MAPKAPK5: variants seen among roughly 807,000 people sequenced by gnomAD.
The protein encoded by MAPKAPK5 is MAP kinase-activated protein kinase 5.
MAPKAPK5 carries 30 observed loss-of-function variants against 65.1 expected under a neutral mutation model. That is an observed-to-expected ratio of 0.46 (90% CI 0.34 to 0.63). MAPKAPK5 has a LOEUF of 0.63. Ranked by LOEUF, MAPKAPK5 falls within the 20% of genes least tolerant of loss-of-function variation. The pLI is 0.01. For synonymous variants in MAPKAPK5, 179 were observed against 204.6 expected (o/e 0.87, Z 1.07); for missense variants, 433 against 581.4 (o/e 0.74, Z 2.63).
At chr12:111,872,162 G>T (rs185189463) in intron 7 of MAPKAPK5, among the ~76,000 whole-genome samples, 2 of 152,202 alleles carry the variant, frequency 1.3e-5, no homozygotes, top group Non-Finnish European at 2.9e-5. Flanking sequence ...GTTTTTGGGG[G>T]ACATGTTCCC....
intron 1 of MAPKAPK5, 102 bp downstream of exon 1, chr12:111,842,871 A>G: frequency 1.7e-6 from 2 of 1,156,164 alleles, no homozygotes; most frequent in Non-Finnish European, 2.2e-6. Flanking sequence ...GGTTCCATCG[A>G]CTACCGGGTT....
intron 1 of MAPKAPK5, among the ~76,000 whole-genome samples, chr12:111,857,244 CTT>C (rs1347172253): frequency 3.6e-5 from 5 of 140,316 alleles, no homozygotes. Flanking sequence ...TTTCTTTTTT[CTT>C]TTTTTTTTTT....
intron 1 of MAPKAPK5, among the ~76,000 whole-genome samples, chr12:111,864,960 AC>A (rs1395321014): frequency 1.3e-5 from 2 of 152,090 alleles, no homozygotes; most frequent in Non-Finnish European, 2.9e-5. Flanking sequence ...TCCTCTCAGA[AC>A]CCCCCAAAAG....
At chr12:111,881,154 A>G (rs919232127) in intron 8 of MAPKAPK5, among the ~76,000 whole-genome samples, 3 of 151,508 alleles carry the variant, frequency 2.0e-5, no homozygotes. Context: ...GCTCACTGCA[A>G]CCTCCACCTC....
chr12:111,842,789 T>A lies in MAPKAPK5; in HGVS notation c.36+20T>A, dbSNP rs371366713. ...ATCAAGGTAAGGGGGAGGTGCCCCCTCTTCCCCCGCGTTGTCCTGTGGCGT... is the reference window on the plus strand; with the variant it reads ...ATCAAGGTAAGGGGGAGGTGCCCCCACTTCCCCCGCGTTGTCCTGTGGCGT... On this transcript the variant is annotated intron_variant, in intron 1 of 13. Coordinates refer to ENST00000550735, the MANE Select transcript of MAPKAPK5 (RefSeq NM_003668.4). 4.6e-6 allele frequency: 6 copies of A among 1,315,700 alleles called. No homozygotes were observed. The highest frequency in any genetic ancestry group is 5.9e-6 in the Non-Finnish European group (6 of 1,023,502). 81.5% of individuals were successfully genotyped at this position (1,315,700 alleles called of 1,614,324 possible).
chr12:111,900,554 C>A lies in MAPKAPK5; in HGVS notation c.*7493C>A, dbSNP rs1593205672. ...TTAACAAGCCACGGCCCAGGGGCCGCAAGCGTAGGGATTCTGCCTGTGGAA... is the reference window on the plus strand; with the variant it reads ...TTAACAAGCCACGGCCCAGGGGCCGAAAGCGTAGGGATTCTGCCTGTGGAA... On this transcript the variant is annotated 3_prime_UTR_variant, in exon 14 of 14. Coordinates refer to ENST00000550735, the MANE Select transcript of MAPKAPK5 (RefSeq NM_003668.4). 2.2e-6 allele frequency: 1 copy of A among 456,140 alleles called. No individual in the cohort carries two copies. The highest frequency in any genetic ancestry group is 2.3e-5 in the Admixed American group (1 of 42,574). The allele number at this position is 456,140 out of a possible 1,614,324, so 28.3% of individuals were successfully genotyped here. A position where few individuals can be genotyped will look rare whatever the true frequency, so the allele number is the denominator to read the frequency against.
intron 2 of MAPKAPK5, 27 bp from the exon 3 acceptor site, chr12:111,866,129 T>C (rs755773132): frequency 6.5e-7 from 1 of 1,532,564 alleles, no homozygotes; most frequent in South Asian, 1.2e-5. Flanking sequence ...ATATGATCTC[T>C]GATTGATTTT....
chr12:111,874,132 C>T (rs186245167), intron 7 of MAPKAPK5, among the ~76,000 whole-genome samples: 61 of 152,230 alleles, frequency 4.0e-4, no homozygotes, highest in African/African-American at 1.3e-3. Context: ...TGGTGGTTCA[C>T]GCCTGTTATA....
At position 111,883,877 on chromosome 12, in the gene MAPKAPK5, C is replaced by A; in HGVS notation, c.848+109C>A. 1 of 1,086,746 alleles carries A rather than the reference C, an allele frequency of 9.2e-7. No individual in the cohort carries two copies. Among genetic ancestry groups the A allele is most frequent in the Non-Finnish European group, 1.3e-6 (1 of 772,006 alleles). The allele number at this position is 1,086,746 out of a possible 1,614,324, so 67.3% of individuals were successfully genotyped here. Reference sequence around the variant, plus strand: ...CTGGTTTCCTAGGCAGGCTCCTCCCCGTTTTAATATCACAGAAATCTCTCT... The same window carrying A: ...CTGGTTTCCTAGGCAGGCTCCTCCCAGTTTTAATATCACAGAAATCTCTCT... On this transcript the variant is annotated intron_variant, in intron 9 of 13. Coordinates refer to ENST00000550735, the MANE Select transcript of MAPKAPK5 (RefSeq NM_003668.4). This position sits in a 1 kb window ranked among gnomAD's most constrained non-coding sequence, Gnocchi z 4.8.
intron 1 of MAPKAPK5, among the ~76,000 whole-genome samples, chr12:111,856,143 C>G (rs1264056856): frequency 2.0e-5 from 3 of 152,080 alleles, no homozygotes; most frequent in Non-Finnish European, 4.4e-5. Flanking sequence ...GCGTGAGCCA[C>G]TGTGTCCAGT....
In MAPKAPK5 at chr12:111,883,992, G is replaced by A. The variant is rs945342087; in HGVS notation, c.848+224G>A. ...TTGCATCCCTAGACTTTGTCCCCAG[G>A]GTGTGAACCCAGGTCCCTCCATAGG... On this transcript the variant is annotated intron_variant, in intron 9 of 13. Coordinates refer to ENST00000550735, the MANE Select transcript of MAPKAPK5 (RefSeq NM_003668.4). This position sits in a 1 kb window ranked among gnomAD's most constrained non-coding sequence, Gnocchi z 4.8. Among the ~76,000 whole-genome samples the A allele has an allele frequency of 3.3e-5, 5 of 152,148 alleles. No homozygotes were observed. The South Asian group carries it at 1.0e-3, about 32-fold the overall frequency.
At chr12:111,858,610 C>T (rs1029089127) in intron 1 of MAPKAPK5, among the ~76,000 whole-genome samples, 12 of 142,148 alleles carry the variant, frequency 8.4e-5, no homozygotes, top group Non-Finnish European at 1.3e-4. Flanking sequence ...GTGGTGCGAT[C>T]GCAGCTCACT....
At chr12:111,862,576 CTG>C (rs1278581757) in intron 1 of MAPKAPK5, among the ~76,000 whole-genome samples, 1 of 152,124 alleles carries the variant, frequency 6.6e-6, no homozygotes. Flanking sequence ...TGGTGCGCAA[CTG>C]TAATCCCAGC....
chr12:111,901,381 C>G lies in MAPKAPK5; in HGVS notation c.*8320C>G, dbSNP rs1225259266. On this transcript the variant is annotated 3_prime_UTR_variant, in exon 14 of 14. Coordinates refer to ENST00000550735, the MANE Select transcript of MAPKAPK5 (RefSeq NM_003668.4). The stretch of plus-strand genomic sequence containing the variant: ...GGAGGTAGTGTGGACAGTGGCCCTC[C>G]TGGTAAGCTAGGTGGGACACCTTCA... 6 of 455,914 alleles carry G rather than the reference C, an allele frequency of 1.3e-5. No individual in the cohort carries two copies. Among genetic ancestry groups the G allele is most frequent in the Non-Finnish European group, 2.6e-5 (6 of 226,796 alleles). 28.2% of individuals were successfully genotyped at this position (455,914 alleles called of 1,614,324 possible).
chr12:111,868,926 G>T lies in MAPKAPK5; in HGVS notation c.393+65G>T. The T allele has an allele frequency of 2.5e-6, 3 of 1,218,476 alleles. No homozygotes were observed. The South Asian group carries it at 4.1e-5, about 17-fold the overall frequency. 75.5% of individuals were successfully genotyped at this position (1,218,476 alleles called of 1,614,324 possible). A position where few individuals can be genotyped will look rare whatever the true frequency, so the allele number is the denominator to read the frequency against. ...TTGGTTAACAAGCACAATTTCATTG[G>T]GGGGAAGAAAAGAAAACTTAAAGAA... is the stretch of plus-strand genomic sequence containing the variant. On this transcript the variant is annotated intron_variant, in intron 5 of 13. Transcript: ENST00000550735.
chr12:111,888,402 T>C lies in MAPKAPK5; in HGVS notation c.970-86T>C, dbSNP rs568290049. The C allele has an allele frequency of 2.6e-6, 4 of 1,545,578 alleles. No homozygotes were observed. In the African/African-American group the frequency reaches 5.5e-5, roughly 21 times the overall value. On this transcript the variant is annotated intron_variant, in intron 10 of 13. Coordinates refer to ENST00000550735, the MANE Select transcript of MAPKAPK5 (RefSeq NM_003668.4). Reference sequence around the variant, plus strand: ...GAGTGAAATTACCTTCTTAGTACTTTGAGCTTTTCCTTTCCACTTTCTTAG... The same window carrying C: ...GAGTGAAATTACCTTCTTAGTACTTCGAGCTTTTCCTTTCCACTTTCTTAG...
chr12:111,859,544 G>A (rs1377849551), intron 1 of MAPKAPK5, among the ~76,000 whole-genome samples: 3 of 152,166 alleles, frequency 2.0e-5, no homozygotes, highest in Admixed American at 6.5e-5. Flanking sequence ...GATTATAGGC[G>A]TGAGCCACTG....
chr12:111,891,822 G>GA lies in MAPKAPK5; in HGVS notation c.1322-1136dup, dbSNP rs1004253329. ...ACTCCGTCTTTAAAAAAAAAAAAGG[G>GA]AAAAAAAAACTTGAAATATGTCATT... On this transcript the variant is annotated intron_variant, in intron 13 of 13. Transcript: ENST00000550735. 5.4e-4 allele frequency among the ~76,000 whole-genome samples: 81 copies of GA among 149,132 alleles called. 1 individual carries two copies. The East Asian group carries it at 0.011, about 21-fold the overall frequency.
intron 1 of MAPKAPK5, among the ~76,000 whole-genome samples, chr12:111,856,298 C>CAT (rs147664570): frequency 0.015 from 2,342 of 151,866 alleles, 70 homozygotes; most frequent in African/African-American, 0.053. Context: ...TATGGCCTAT[C>CAT]ATAAGCCATT....
Sources: allele counts gnomAD v4.1 joint callset (sites outside exome capture counted in the v4.1 genomes callset), GRCh38; gene constraint gnomAD v4.1.1; non-coding constraint Gnocchi (gnomAD v3.1); transcripts MANE v1.5; gene names NCBI Gene and HGNC (gene_info 2026-07-23, HGNC 2026-07-21).